Variants in DRC9 observed in about 807,000 individuals in gnomAD.
The protein encoded by DRC9 is dynein regulatory complex protein 9.
At chr3:197,959,979 G>T in the DRC9 span, 1 of 550,552 alleles carries the variant, frequency 1.8e-6, no homozygotes, top group Non-Finnish European at 3.2e-6. Flanking sequence ...CCCACATACG[G>T]CCAACGCCCG....
the DRC9 span, chr3:197,889,561 AAC>A: frequency 6.2e-7 from 1 of 1,614,124 alleles, no homozygotes; most frequent in Non-Finnish European, 8.5e-7. Flanking sequence ...ACCAGCAGAA[AAC>A]ACAAAAGAGA....
the DRC9 span, among the ~76,000 whole-genome samples, chr3:197,901,950 A>G: frequency 6.6e-6 from 1 of 152,098 alleles, no homozygotes; most frequent in South Asian, 2.1e-4. This position sits in a 1 kb window ranked among gnomAD's most constrained non-coding sequence, Gnocchi z 4.4. Context: ...TTCAGGTATG[A>G]CCTAGCACAG....
chr3:197,950,582 C>G, the DRC9 span: 2 of 347,156 alleles, frequency 5.8e-6, no homozygotes, highest in African/African-American at 4.2e-5. Flanking sequence ...CTCCCCCAGC[C>G]ATTGCATAAA....
chr3:197,906,964 T>C, the DRC9 span, among the ~76,000 whole-genome samples: 2 of 152,176 alleles, frequency 1.3e-5, no homozygotes, highest in Admixed American at 6.5e-5. Context: ...TCATTAGCCA[T>C]TGCCAAGAAT....
the DRC9 span, chr3:197,957,320 C>G: frequency 1.3e-5 from 2 of 152,302 alleles, no homozygotes; most frequent in Non-Finnish European, 2.9e-5. Context: ...GTCCCTCTGT[C>G]ACACTGGCAG....
At chr3:197,934,183 C>CTTTTT in the DRC9 span, among the ~76,000 whole-genome samples, 3 of 99,510 alleles carry the variant, frequency 3.0e-5, no homozygotes, top group African/African-American at 9.8e-5. Context: ...CATTCTGGGT[C>CTTTTT]TTTTTTTTTT....
the DRC9 span, among the ~76,000 whole-genome samples, chr3:197,904,584 GC>G: frequency 6.6e-6 from 1 of 152,188 alleles, no homozygotes; most frequent in Non-Finnish European, 1.5e-5. Context: ...AAAAGGTGGG[GC>G]CGGGCGTGGT....
At chr3:197,907,714 C>A in the DRC9 span, among the ~76,000 whole-genome samples, 1 of 152,340 alleles carries the variant, frequency 6.6e-6, no homozygotes, top group East Asian at 1.9e-4. Context: ...GAAGAGTGAG[C>A]CGTTTCCAAG....
the DRC9 span, chr3:197,912,880 C>G: frequency 1.4e-6 from 1 of 724,872 alleles, no homozygotes; most frequent in South Asian, 1.6e-5. Context: ...CTTTCAGTTC[C>G]CTGCAACTCC....
the DRC9 span, among the ~76,000 whole-genome samples, chr3:197,896,381 A>T: frequency 6.6e-6 from 1 of 152,216 alleles, no homozygotes; most frequent in East Asian, 1.9e-4. Flanking sequence ...GTATACAGAT[A>T]TTACAAAACT....
At chr3:197,892,695 T>C in the DRC9 span, 2 of 1,614,180 alleles carry the variant, frequency 1.2e-6, no homozygotes, top group Non-Finnish European at 8.5e-7. Flanking sequence ...ATTTAGTTCA[T>C]TCTGTTTCAT....
chr3:197,918,481 T>C, the DRC9 span, among the ~76,000 whole-genome samples: 2 of 152,074 alleles, frequency 1.3e-5, no homozygotes, highest in Non-Finnish European at 2.9e-5. Flanking sequence ...GGAATCCTTT[T>C]ACCTATATAA....
chr3:197,937,304 TA>T, the DRC9 span, among the ~76,000 whole-genome samples: 1 of 152,088 alleles, frequency 6.6e-6, no homozygotes, highest in African/African-American at 2.4e-5. Flanking sequence ...CCCTCAGGAT[TA>T]AAACACAGTT....
chr3:197,889,399 G>GA, the DRC9 span: 1 of 700,014 alleles, frequency 1.4e-6, no homozygotes. Flanking sequence ...ATCAGGGTTT[G>GA]AAAACCCACC....
chr3:197,956,311 T>TGGAGATTATGTTGATGGGC, the DRC9 span: 2 of 161,084 alleles, frequency 1.2e-5, no homozygotes, highest in Admixed American at 5.9e-5. Flanking sequence ...AAAATTTGAA[T>TGGAGATTATGTTGATGGGC]GGAGATTATG....
At chr3:197,946,921 C>T in the DRC9 span, among the ~76,000 whole-genome samples, 1 of 152,208 alleles carries the variant, frequency 6.6e-6, no homozygotes, top group East Asian at 1.9e-4. Context: ...CTCCCAGGTT[C>T]AAGTGATTTC....
At chr3:197,925,121 T>C in the DRC9 span, among the ~76,000 whole-genome samples, 1 of 151,528 alleles carries the variant, frequency 6.6e-6, no homozygotes, top group Non-Finnish European at 1.5e-5. Flanking sequence ...CCATCTGGGA[T>C]GTGAGAGTAC....
At chr3:197,896,400 G>A in the DRC9 span, among the ~76,000 whole-genome samples, 1 of 151,810 alleles carries the variant, frequency 6.6e-6, no homozygotes. Flanking sequence ...CTATGAGAAT[G>A]GCATGCAAAT....
At chr3:197,941,894 A>G in the DRC9 span, among the ~76,000 whole-genome samples, 3 of 152,122 alleles carry the variant, frequency 2.0e-5, no homozygotes, top group Admixed American at 2.0e-4. Flanking sequence ...TCTCTTCTGT[A>G]CTATTTGTTA....
Sources: allele counts gnomAD v4.1 joint callset (sites outside exome capture counted in the v4.1 genomes callset), GRCh38; gene constraint gnomAD v4.1.1; non-coding constraint Gnocchi (gnomAD v3.1); transcripts MANE v1.5; gene names NCBI Gene and HGNC (gene_info 2026-07-23, HGNC 2026-07-21).